SEM1: variants seen among roughly 807,000 people sequenced by gnomAD.
SEM1 encodes the protein 26S proteasome complex subunit SEM1.
A neutral mutation model predicts 12.7 loss-of-function variants in SEM1; 3 were observed. That is an observed-to-expected ratio of 0.24 (90% CI 0.11 to 0.61). The LOEUF (loss-of-function observed/expected upper bound fraction) is 0.61. SEM1 is among the 20% of genes least tolerant of loss of function. The pLI is 0.88. For synonymous variants in SEM1, 30 were observed against 27.8 expected (o/e 1.08, Z -0.25); for missense variants, 59 against 81.3 (o/e 0.73, Z 1.06).
chr7:96,673,711 G>T, exon 3 of SEM1: 1 of 762,614 alleles, frequency 1.3e-6, no homozygotes, highest in Non-Finnish European at 2.4e-6. Flanking sequence ...GTGCATCCCA[G>T]CTCTTTACAT....
At chr7:96,485,267 G>T (rs1802706522) in intron 2 of SEM1, among the ~76,000 whole-genome samples, 1 of 152,126 alleles carries the variant, frequency 6.6e-6, no homozygotes, top group African/African-American at 2.4e-5. Flanking sequence ...AAACTTAGTG[G>T]CTTAAAACAA....
downstream of SEM1, among the ~76,000 whole-genome samples, chr7:96,685,092 G>T (rs1789722716): frequency 6.6e-6 from 1 of 152,092 alleles, no homozygotes; most frequent in African/African-American, 2.4e-5. Context: ...TGTGGAACAG[G>T]AAGGATATAA....
intron 2 of SEM1, among the ~76,000 whole-genome samples, chr7:96,616,697 T>C (rs1056445724): frequency 2.0e-5 from 3 of 152,154 alleles, no homozygotes; most frequent in African/African-American, 4.8e-5. Context: ...TATTTAGGTA[T>C]GTAATCCATC....
chr7:96,586,767 A>G (rs780543758), intron 2 of SEM1, among the ~76,000 whole-genome samples: 68 of 152,148 alleles, frequency 4.5e-4, no homozygotes, highest in Admixed American at 1.4e-3. Context: ...CCTCCCAAAA[A>G]CTAATGAAAT....
intron 2 of SEM1, among the ~76,000 whole-genome samples, chr7:96,546,429 C>A (rs1273251695): frequency 6.6e-6 from 1 of 152,060 alleles, no homozygotes; most frequent in African/African-American, 2.4e-5. Flanking sequence ...GTAATACAAT[C>A]TTTGAAAAAT....
At chr7:96,696,459 T>C (rs1201425704) in intron 1 of SEM1, 3 of 151,976 alleles carry the variant, frequency 2.0e-5, no homozygotes, top group Admixed American at 6.6e-5. Context: ...AATACCATTA[T>C]CTTAAGCAGT....
chr7:96,482,161 A>G (rs1802566544), exon 4 of SEM1: 1 of 152,160 alleles, frequency 6.6e-6, no homozygotes, highest in Non-Finnish European at 1.5e-5. Flanking sequence ...ATTTTTATCA[A>G]CTTTCAAATT....
intron 2 of SEM1, among the ~76,000 whole-genome samples, chr7:96,532,443 A>G (rs1490085559): frequency 1.3e-5 from 2 of 152,146 alleles, no homozygotes; most frequent in Non-Finnish European, 2.9e-5. Context: ...AAAATAAACA[A>G]TGTTTACTAT....
chr7:96,582,182 G>A (rs1246878027), intron 2 of SEM1, among the ~76,000 whole-genome samples: 1 of 151,536 alleles, frequency 6.6e-6, no homozygotes, highest in East Asian at 1.9e-4. Flanking sequence ...TTTGCATGAA[G>A]GGTTGTTGAA....
rs1358967061 is a variant in SEM1 at position 96,690,560 on chromosome 7, A to G, written c.171-1594T>C. Among the ~76,000 whole-genome samples the G allele has an allele frequency of 2.6e-5, 4 of 152,208 alleles. 1 individual carries two copies. The highest frequency in any genetic ancestry group is 5.9e-5 in the Non-Finnish European group (4 of 68,032). ...AGTGGAAAAATCAACAAAGACAAAA[A>G]TAGAAAACCTCAGCACAACTGTTAA... On this transcript the variant is annotated intron_variant, in intron 2 of 2. Transcript: ENST00000248566.
At chr7:96,700,633 A>G (rs1790240937) in intron 1 of SEM1, among the ~76,000 whole-genome samples, 1 of 152,172 alleles carries the variant, frequency 6.6e-6, no homozygotes, top group Admixed American at 6.5e-5. Flanking sequence ...TTTCCTCTCA[A>G]TGTTTTCGCA....
At chr7:96,629,993 C>G (rs895453505) in intron 2 of SEM1, among the ~76,000 whole-genome samples, 7 of 152,220 alleles carry the variant, frequency 4.6e-5, no homozygotes, top group African/African-American at 1.7e-4. Context: ...GAGCCTCTCT[C>G]TCTGTTCTGA....
chr7:96,698,715 T>G (rs977605590), intron 1 of SEM1, among the ~76,000 whole-genome samples: 2 of 152,130 alleles, frequency 1.3e-5, no homozygotes, highest in African/African-American at 4.8e-5. Context: ...GAATAGTGCT[T>G]CAATAAACAT....
At chr7:96,572,314 C>T (rs907780360) in intron 2 of SEM1, among the ~76,000 whole-genome samples, 1 of 152,052 alleles carries the variant, frequency 6.6e-6, no homozygotes, top group Non-Finnish European at 1.5e-5. Context: ...TATTTCTTGT[C>T]TTCTGCTAGC....
At chr7:96,519,342 A>G (rs1804197030) in intron 2 of SEM1, among the ~76,000 whole-genome samples, 1 of 152,148 alleles carries the variant, frequency 6.6e-6, no homozygotes, top group Non-Finnish European at 1.5e-5. Flanking sequence ...TAAAAACCCA[A>G]TTTCCTCTCC....
chr7:96,626,290 C>T lies in SEM1; in HGVS notation c.171-3647G>A, dbSNP rs1333007124. Among the ~76,000 whole-genome samples, 4 of 152,054 alleles carry T rather than the reference C, an allele frequency of 2.6e-5. No homozygotes were observed. The East Asian group carries it at 7.7e-4, about 29-fold the overall frequency. On this transcript the variant is annotated intron_variant, in intron 2 of 2. Coordinates refer to the SEM1 transcript ENST00000417009. The stretch of plus-strand genomic sequence containing the variant: ...AATATGAAAAGTTTGTTTTTTTGTG[C>T]TTGTTTTATTTCACTTAACATAATG...
At chr7:96,638,465 A>C (rs1401472733) in intron 2 of SEM1, among the ~76,000 whole-genome samples, 1 of 152,028 alleles carries the variant, frequency 6.6e-6, no homozygotes, top group Non-Finnish European at 1.5e-5. Flanking sequence ...TATTTTTAAA[A>C]TTACAAAATA....
chr7:96,553,369 G>T (rs1200305443), intron 2 of SEM1, among the ~76,000 whole-genome samples: 1 of 150,552 alleles, frequency 6.6e-6, no homozygotes. Context: ...ATTGATTTTT[G>T]TATAAGGTGT....
chr7:96,620,996 G>C (rs547096216), downstream of SEM1, among the ~76,000 whole-genome samples: 3 of 152,214 alleles, frequency 2.0e-5, no homozygotes, highest in East Asian at 5.8e-4. Context: ...CATCTTCCAG[G>C]ACGCCCTCTG....
Sources: allele counts gnomAD v4.1 joint callset (sites outside exome capture counted in the v4.1 genomes callset), GRCh38; gene constraint gnomAD v4.1.1; transcripts MANE v1.5; gene names NCBI Gene and HGNC (gene_info 2026-07-23, HGNC 2026-07-21).